Variants in HIF3A observed in about 807,000 individuals in gnomAD.
HIF3A encodes the protein hypoxia inducible factor 3 subunit alpha, also known as hypoxia-inducible factor 3-alpha.
HIF3A carries 41 observed loss-of-function variants against 67.2 expected under a neutral mutation model. The ratio of observed to expected loss-of-function variants is 0.61; its 90% CI spans 0.48 to 0.79. The LOEUF (loss-of-function observed/expected upper bound fraction) is 0.79, where lower values mean the gene tolerates loss of function less well. HIF3A is among the 30% of genes least tolerant of loss of function. The pLI is 0.00. For missense variants in HIF3A, 855 were observed against 898.0 expected, an observed-to-expected ratio of 0.95 and a Z score of 0.61; for synonymous variants, 356 against 374.8, an observed-to-expected ratio of 0.95 and a Z score of 0.58.
chr19:46,304,206 T>G, intron 2 of HIF3A, 118 bp downstream of exon 2: 1 of 799,242 alleles, frequency 1.3e-6, no homozygotes, highest in Non-Finnish European at 1.8e-6. Flanking sequence ...CGCCCCCTGG[T>G]GTCGTTTTTT....
intron 14 of HIF3A, among the ~76,000 whole-genome samples, chr19:46,337,464 T>C (rs1040695974): frequency 6.6e-6 from 1 of 152,172 alleles, no homozygotes; most frequent in Non-Finnish European, 1.5e-5. Context: ...GAAAGAGGTC[T>C]TGCTATGTTG....
At chr19:46,323,509 T>TAGACTGTTCTAATAAA (rs1232545680) in intron 10 of HIF3A, among the ~76,000 whole-genome samples, 1 of 152,168 alleles carries the variant, frequency 6.6e-6, no homozygotes, top group African/African-American at 2.4e-5. Context: ...ACTGTTTTAC[T>TAGACTGTTCTAATAAA]AGACTGTTCT....
chr19:46,302,345 T>C (rs1968411966), intron 1 of HIF3A, among the ~76,000 whole-genome samples: 1 of 152,156 alleles, frequency 6.6e-6, no homozygotes, highest in South Asian at 2.1e-4. Context: ...TTAGCCAGGA[T>C]GGCCTCGATC....
Position 46,329,232 on chromosome 19 carries a change from T to A in HIF3A, c.1466T>A (p.Met489Lys), listed in dbSNP as rs1971005704. 1.2e-6 allele frequency: 2 copies of A among 1,610,688 alleles called. No individual in the cohort carries two copies. Among genetic ancestry groups the A allele is most frequent in the Admixed American group, 1.7e-5 (1 of 59,786 alleles). ...GATGCTGATGCTCTGGATTTGGAGA[T>A]GCTGGCCCCCTACATCTCCATGGAT... The part of the protein sequence containing the change: ...AQDADALDLE[M>K]LAPYISMDDD... The change falls in exon 12 of 15, where the codon ATG becomes AAG. Residue 489 changes from methionine to lysine, a missense_variant. This residue lies in a region of HIF3A where 18 missense variants were observed against 43.7 expected (regional missense o/e 0.41). Transcript: ENST00000377670.
In HIF3A at chr19:46,320,554, C is replaced by G; in HGVS notation, c.1137C>G (p.Asp379Glu). Residue 379 changes from aspartate (D) to glutamate (E), a missense_variant, in exon 9 of 15, where the codon GAC (aspartate) becomes GAG (glutamate). Asp to Glu is a conservative substitution (Grantham distance 45, BLOSUM62 2). Coordinates refer to ENST00000377670, the MANE Select transcript of HIF3A (RefSeq NM_152795.4). ...AGAAGGACACCCCTAACCCTGGGGA[C>G]AGCCTTGGTATGGGGCAGGGCTGGG... ...PSQKDTPNPG[D>E]SLDTPGPRIL... is the part of the protein sequence containing the mutation. 1 of 1,612,926 alleles carries G rather than the reference C, an allele frequency of 6.2e-7. No homozygotes were observed.
chr19:46,325,795 G>A (rs1970740774), intron 11 of HIF3A, among the ~76,000 whole-genome samples, 156 bp downstream of exon 11: 1 of 152,200 alleles, frequency 6.6e-6, no homozygotes, highest in Non-Finnish European at 1.5e-5. Flanking sequence ...ATGAATGGAT[G>A]AGGTTTAGGC....
chr19:46,309,481 C>T, intron 6 of HIF3A, 122 bp downstream of exon 6: 1 of 640,374 alleles, frequency 1.6e-6, no homozygotes, highest in Non-Finnish European at 2.7e-6. Flanking sequence ...ATCTCTCTCT[C>T]TCTTTGTGTG....
chr19:46,318,256 G>C (rs999780923), intron 8 of HIF3A, among the ~76,000 whole-genome samples: 1 of 151,372 alleles, frequency 6.6e-6, no homozygotes, highest in Admixed American at 6.6e-5. Flanking sequence ...TGCCACCCAG[G>C]CTGGAACCAC....
chr19:46,298,219 C>CCCCCCCG, intron 1 of HIF3A: 1 of 329,784 alleles, frequency 3.0e-6, no homozygotes, highest in South Asian at 2.2e-5. Flanking sequence ...CCCCCATCCT[C>CCCCCCCG]TCCCCTGTCC....
rs544313982 is a variant in HIF3A, at chr19:46,303,751, C to A, written c.27-147C>A. ...TTCCAGGCCCAGGGAGCGCCGCGAA[C>A]TCGACAGGGCCACACATCGAGGCCT... On this transcript the variant is annotated intron_variant, in intron 1 of 14. Transcript: ENST00000377670. 7.9e-6 allele frequency: 12 copies of A among 1,514,260 alleles called. No homozygotes were observed. The South Asian group carries it at 1.3e-4, about 17-fold the overall frequency. The allele number at this position is 1,514,260 out of a possible 1,614,324, so 93.8% of individuals were successfully genotyped here.
At chr19:46,334,810 C>A in intron 13 of HIF3A, 95 bp from the exon 14 acceptor site, 2 of 981,234 alleles carry the variant, frequency 2.0e-6, no homozygotes, top group Non-Finnish European at 3.1e-6. Context: ...CTGGCCTCAG[C>A]CCCCGAAAGT....
At chr19:46,306,795 C>T (rs1568504411) in intron 3 of HIF3A, among the ~76,000 whole-genome samples, 1 of 152,158 alleles carries the variant, frequency 6.6e-6, no homozygotes, top group East Asian at 1.9e-4. Flanking sequence ...GGAAGTGGCA[C>T]AGCCAGGATT....
intron 14 of HIF3A, 75 bp from the exon 15 acceptor site, chr19:46,339,450 T>C (rs920016556): frequency 1.1e-6 from 1 of 920,160 alleles, no homozygotes; most frequent in Admixed American, 2.6e-5. Context: ...ATTCCTGACA[T>C]TGGGGTTATG....
intron 11 of HIF3A, among the ~76,000 whole-genome samples, chr19:46,326,461 A>G (rs1021951631): frequency 4.6e-5 from 7 of 152,190 alleles, no homozygotes; most frequent in African/African-American, 1.7e-4. Flanking sequence ...AGGCAATAAC[A>G]TAAGAGTGTG....
At chr19:46,317,828 C>T (rs1970037172) in intron 8 of HIF3A, among the ~76,000 whole-genome samples, 1 of 151,910 alleles carries the variant, frequency 6.6e-6, no homozygotes. Flanking sequence ...GTAGTACTTA[C>T]CACTATCTTT....
chr19:46,334,028 C>T (rs777152708), intron 13 of HIF3A, among the ~76,000 whole-genome samples: 5 of 151,864 alleles, frequency 3.3e-5, no homozygotes, highest in Non-Finnish European at 7.4e-5. Context: ...CTCCTGACCT[C>T]GTGATCCGCC....
At chr19:46,337,488 C>G (rs1971713996) in intron 14 of HIF3A, among the ~76,000 whole-genome samples, 1 of 152,018 alleles carries the variant, frequency 6.6e-6, no homozygotes, top group Non-Finnish European at 1.5e-5. Flanking sequence ...AGGCTGGTCT[C>G]AAACTCCTGG....
At chr19:46,328,537 G>A (rs1433955544) in intron 11 of HIF3A, among the ~76,000 whole-genome samples, 2 of 152,088 alleles carry the variant, frequency 1.3e-5, no homozygotes, top group African/African-American at 2.4e-5. Context: ...GGATCACCTC[G>A]TGTATTTGTT....
At chr19:46,298,041 C>T (rs547096780) in intron 1 of HIF3A, among the ~76,000 whole-genome samples, 1 of 152,082 alleles carries the variant, frequency 6.6e-6, no homozygotes, top group Non-Finnish European at 1.5e-5. Context: ...GCCCTGGGGC[C>T]GCTGCCGGGG....
Sources: allele counts gnomAD v4.1 joint callset (sites outside exome capture counted in the v4.1 genomes callset), GRCh38; gene constraint gnomAD v4.1.1; regional missense constraint gnomAD v4.1.1; transcripts MANE v1.5; gene names NCBI Gene and HGNC (gene_info 2026-07-23, HGNC 2026-07-21).